Variants in ANO4 observed in about 807,000 individuals in gnomAD.
ANO4 encodes the protein anoctamin-4.
A neutral mutation model predicts 141.9 loss-of-function variants in ANO4; 69 were observed. The ratio of observed to expected loss-of-function variants is 0.49; its 90% CI spans 0.40 to 0.59. ANO4 has a LOEUF of 0.59. ANO4 is among the 20% of genes least tolerant of loss of function. The pLI is 0.00. For synonymous variants in ANO4, 350 were observed against 394.3 expected, an observed-to-expected ratio of 0.89 and a Z score of 1.33; for missense variants, 894 against 1,162.2, an observed-to-expected ratio of 0.77 and a Z score of 3.36.
At chr12:100,905,285 G>A (rs1490049311) in intron 2 of ANO4, among the ~76,000 whole-genome samples, 1 of 152,130 alleles carries the variant, frequency 6.6e-6, no homozygotes, top group Admixed American at 6.5e-5. Context: ...ACCAAGGGAA[G>A]AAGTATAAAT....
At chr12:100,860,052 C>G (rs2038390255) in intron 1 of ANO4, among the ~76,000 whole-genome samples, 1 of 152,108 alleles carries the variant, frequency 6.6e-6, no homozygotes, top group Admixed American at 6.6e-5. Context: ...ATTTTTCAGG[C>G]ACAAAGAAGC....
chr12:100,774,224 A>G (rs1444361826), intron 3 of ANO4, among the ~76,000 whole-genome samples: 1 of 152,208 alleles, frequency 6.6e-6, no homozygotes, highest in African/African-American at 2.4e-5. Flanking sequence ...CTGGTTGAGA[A>G]AAGGAAGTTA....
intron 2 of ANO4, among the ~76,000 whole-genome samples, chr12:100,911,981 G>A (rs945998007): frequency 2.6e-5 from 4 of 152,002 alleles, no homozygotes; most frequent in Non-Finnish European, 5.9e-5. Flanking sequence ...ATTTCATTTA[G>A]TCCTCATAGC....
At chr12:101,028,994 T>G (rs2046854612) in intron 9 of ANO4, among the ~76,000 whole-genome samples, 1 of 152,096 alleles carries the variant, frequency 6.6e-6, no homozygotes. Flanking sequence ...CAGCAGAAAC[T>G]CCACAAGTCA....
chr12:100,999,966 T>C (rs189646247), intron 8 of ANO4, among the ~76,000 whole-genome samples: 9 of 150,890 alleles, frequency 6.0e-5, no homozygotes, highest in Admixed American at 5.3e-4. Flanking sequence ...GGAGAATCAC[T>C]TGGACCAGGG....
Position 100,751,709 on chromosome 12 carries a change from G to C in ANO4, c.358+11604G>C, listed in dbSNP as rs115426731. On this transcript the variant is annotated intron_variant, in intron 3 of 29. Coordinates refer to the ANO4 transcript ENST00000644049. ...GTACTGGAGTGACCCAAGCAGACAA[G>C]GCTCCTTTCTTATGGAATGGCAGTG... Among the ~76,000 whole-genome samples, 629 of 152,060 alleles carry C rather than the reference G, an allele frequency of 4.1e-3. 5 individuals are homozygous for C. The highest frequency in any genetic ancestry group is 0.015 in the African/African-American group (605 of 41,492).
chr12:100,769,051 A>G lies in ANO4; in HGVS notation c.358+28946A>G, dbSNP rs191274704. ...GTCAAGTAGCTTCTCTGTTGAAACCAGGAAACAACCAAAATACAATGACAA... is the reference window on the plus strand; with the variant it reads ...GTCAAGTAGCTTCTCTGTTGAAACCGGGAAACAACCAAAATACAATGACAA... On this transcript the variant is annotated intron_variant, in intron 3 of 29. Transcript: ENST00000644049. Among the ~76,000 whole-genome samples, 413 of 152,344 alleles carry G rather than the reference A, an allele frequency of 2.7e-3. 2 individuals carry two copies. The highest frequency in any genetic ancestry group is 5.1e-3 in the Non-Finnish European group (348 of 68,034).
intron 9 of ANO4, among the ~76,000 whole-genome samples, chr12:101,033,109 C>T (rs1208321301): frequency 2.0e-5 from 3 of 152,150 alleles, no homozygotes; most frequent in Admixed American, 2.0e-4. Context: ...AAATGTGGCA[C>T]ATATACACCA....
At chr12:100,807,760 G>GAGTT (rs2035150244) in intron 1 of ANO4, among the ~76,000 whole-genome samples, 1 of 152,154 alleles carries the variant, frequency 6.6e-6, no homozygotes, top group Admixed American at 6.5e-5. Context: ...GTGTGTCCAT[G>GAGTT]AGTTCTCATC....
intron 2 of ANO4, among the ~76,000 whole-genome samples, chr12:100,917,621 C>T (rs2041407439): frequency 6.6e-6 from 1 of 152,178 alleles, no homozygotes; most frequent in Non-Finnish European, 1.5e-5. Flanking sequence ...TGATCACTCT[C>T]CATTTAGGAA....
chr12:101,060,273 A>G (rs541718929), intron 14 of ANO4, among the ~76,000 whole-genome samples: 1 of 152,274 alleles, frequency 6.6e-6, no homozygotes, highest in African/African-American at 2.4e-5. Context: ...GTTCTTTTGC[A>G]TTTGCTGAGG....
At chr12:100,867,941 C>A (rs909821376) in intron 1 of ANO4, among the ~76,000 whole-genome samples, 1 of 152,240 alleles carries the variant, frequency 6.6e-6, no homozygotes, top group East Asian at 1.9e-4. Context: ...ATAAATATAT[C>A]TGCTTCTACT....
chr12:100,865,773 A>G (rs2038723175), intron 1 of ANO4, among the ~76,000 whole-genome samples: 1 of 152,198 alleles, frequency 6.6e-6, no homozygotes, highest in Non-Finnish European at 1.5e-5. Flanking sequence ...ACTATTTGCA[A>G]AGGTGTGGGT....
rs747501342 is a variant in ANO4 at position 101,060,715 on chromosome 12, TC to T, written c.1312+12315del. Among the ~76,000 whole-genome samples, 32 of 152,254 alleles carry T rather than the reference TC, an allele frequency of 2.1e-4. 1 individual carries two copies. Among genetic ancestry groups the T allele is most frequent in the Admixed American group, 7.8e-4 (12 of 15,292 alleles). On this transcript the variant is annotated intron_variant, in intron 14 of 27. Transcript: ENST00000392977. ...ATGATTGCAATCCTTGCTTTTTTTT[TC>T]TTTCCATTTGCTTGGTAAATATTCT...
chr12:100,994,531 CTGAT>C (rs1489516718), intron 8 of ANO4, among the ~76,000 whole-genome samples: 1 of 151,992 alleles, frequency 6.6e-6, no homozygotes, highest in Non-Finnish European at 1.5e-5. Context: ...TAGATCAATT[CTGAT>C]TGTCTTTCAG....
intron 3 of ANO4, among the ~76,000 whole-genome samples, chr12:100,761,226 G>A (rs1379933497): frequency 6.6e-6 from 1 of 152,124 alleles, no homozygotes; most frequent in Non-Finnish European, 1.5e-5. Context: ...AAGGCATGAA[G>A]AAGTTTTGGC....
intron 1 of ANO4, among the ~76,000 whole-genome samples, chr12:100,892,184 T>A (rs1392679264): frequency 1.3e-5 from 2 of 152,242 alleles, no homozygotes; most frequent in Non-Finnish European, 2.9e-5. Flanking sequence ...ATATTATGGC[T>A]GTGTTTTGGC....
At chr12:101,051,722 G>T (rs752425920) in intron 14 of ANO4, among the ~76,000 whole-genome samples, 1 of 152,214 alleles carries the variant, frequency 6.6e-6, no homozygotes, top group Non-Finnish European at 1.5e-5. Flanking sequence ...GGAAACTGCA[G>T]CAGTAGCTAG....
In ANO4 at chr12:100,797,847, A is replaced by G. The variant is rs145577279; in HGVS notation, c.-141+2820A>G. Among the ~76,000 whole-genome samples, 541 of 152,326 alleles carry G rather than the reference A, an allele frequency of 3.6e-3. 9 individuals carry two copies. Among genetic ancestry groups the G allele is most frequent in the East Asian group, 0.031 (161 of 5,192 alleles). ...GAACATGCCTACATGTACACAGACA[A>G]ACTCAGACAGTGAAAAATGTACAAC... is the stretch of plus-strand genomic sequence containing the variant. On this transcript the variant is annotated intron_variant, in intron 1 of 27. Coordinates refer to ENST00000392977, the MANE Select transcript of ANO4 (RefSeq NM_001286615.2).
Sources: allele counts gnomAD v4.1 joint callset (sites outside exome capture counted in the v4.1 genomes callset), GRCh38; gene constraint gnomAD v4.1.1; transcripts MANE v1.5; gene names NCBI Gene and HGNC (gene_info 2026-07-23, HGNC 2026-07-21).